The following SEMA3A variants were observed in gnomAD, a reference collection of about 807,000 sequenced individuals.
The protein encoded by SEMA3A is semaphorin-3A.
In SEMA3A, 29 loss-of-function variants were observed where a neutral mutation model predicts 97.9. That is an observed-to-expected ratio of 0.30 (90% confidence interval 0.22 to 0.40). The LOEUF (loss-of-function observed/expected upper bound fraction) is 0.40. SEMA3A is among the 10% of genes least tolerant of loss of function. SEMA3A has a pLI of 1.00. For missense variants in SEMA3A, 763 were observed against 951.3 expected, an observed-to-expected ratio of 0.80 and a Z score of 2.60; for synonymous variants, 321 against 323.7, an observed-to-expected ratio of 0.99 and a Z score of 0.09.
chr7:84,352,947 T>C lies in SEMA3A; in HGVS notation c.-169+18877A>G, dbSNP rs1257593015. 2.6e-5 allele frequency among the ~76,000 whole-genome samples: 4 copies of C among 151,826 alleles called. No individual in the cohort carries two copies. In the East Asian group the frequency reaches 7.7e-4, roughly 29 times the overall value. ...GGTAAAGATAAGTATCAAATTAATCTATACTAACTATTTACAGTCATCCCT... is the reference window on the plus strand; with the variant it reads ...GGTAAAGATAAGTATCAAATTAATCCATACTAACTATTTACAGTCATCCCT... On this transcript the variant is annotated intron_variant, in intron 2 of 3. Transcript: ENST00000424555.
At chr7:84,205,178 A>T (rs1798459281) in intron 3 of SEMA3A, among the ~76,000 whole-genome samples, 1 of 152,214 alleles carries the variant, frequency 6.6e-6, no homozygotes, top group Non-Finnish European at 1.5e-5. Context: ...ACACCTGTAC[A>T]ATTATTATGG....
chr7:84,455,519 CAT>C (rs1805666578), intron 1 of SEMA3A, among the ~76,000 whole-genome samples: 1 of 151,762 alleles, frequency 6.6e-6, no homozygotes, highest in Admixed American at 6.6e-5. Context: ...GTGATAGTAA[CAT>C]ATATTACATG....
intron 3 of SEMA3A, among the ~76,000 whole-genome samples, chr7:84,251,894 A>G (rs1229083184): frequency 1.4e-5 from 2 of 144,042 alleles, no homozygotes; most frequent in African/African-American, 5.6e-5. Context: ...AATGTGATTC[A>G]GCGTTCACAA....
intron 3 of SEMA3A, among the ~76,000 whole-genome samples, chr7:84,263,485 A>G (rs1430787168): frequency 1.3e-5 from 2 of 152,220 alleles, no homozygotes; most frequent in Non-Finnish European, 2.9e-5. Flanking sequence ...TTTACACTGT[A>G]TATAACTCTG....
At chr7:84,220,463 T>C (rs1180375272) in intron 3 of SEMA3A, among the ~76,000 whole-genome samples, 2 of 152,178 alleles carry the variant, frequency 1.3e-5, no homozygotes, top group Non-Finnish European at 2.9e-5. Flanking sequence ...ATTAATCATT[T>C]CCAGGTTTTG....
chr7:84,434,304 G>C (rs1322879780), intron 1 of SEMA3A, among the ~76,000 whole-genome samples: 2 of 151,968 alleles, frequency 1.3e-5, no homozygotes, highest in Non-Finnish European at 2.9e-5. Flanking sequence ...ACTCCTAAGA[G>C]TAAATCAGGA....
At chr7:84,403,705 G>A (rs1189886605) in intron 1 of SEMA3A, among the ~76,000 whole-genome samples, 4 of 152,134 alleles carry the variant, frequency 2.6e-5, no homozygotes, top group Non-Finnish European at 5.9e-5. Context: ...ACTTCCAGAG[G>A]AACGATCAGG....
intron 1 of SEMA3A, among the ~76,000 whole-genome samples, chr7:84,453,709 TTA>T (rs1805620763): frequency 6.6e-6 from 1 of 152,320 alleles, no homozygotes; most frequent in East Asian, 1.9e-4. Context: ...ATCGTGTACA[TTA>T]TCTCAGTAAT....
intron 1 of SEMA3A, among the ~76,000 whole-genome samples, chr7:84,438,523 C>T (rs1362524718): frequency 6.6e-6 from 1 of 152,092 alleles, no homozygotes; most frequent in East Asian, 1.9e-4. Context: ...GATAACATTT[C>T]TCTAGGCAGG....
chr7:83,972,541 A>T (rs1181214501), intron 15 of SEMA3A, among the ~76,000 whole-genome samples: 3 of 152,062 alleles, frequency 2.0e-5, no homozygotes, highest in Non-Finnish European at 4.4e-5. Flanking sequence ...CATGGACTTT[A>T]ATGTTTCATT....
At chr7:84,057,772 A>C (rs1793053733) in intron 5 of SEMA3A, among the ~76,000 whole-genome samples, 1 of 151,440 alleles carries the variant, frequency 6.6e-6, no homozygotes, top group Non-Finnish European at 1.5e-5. Flanking sequence ...AAATAAATAA[A>C]TAAATAAATA....
At chr7:84,140,583 G>C (rs1254421446) in intron 1 of SEMA3A, among the ~76,000 whole-genome samples, 1 of 151,994 alleles carries the variant, frequency 6.6e-6, no homozygotes, top group Non-Finnish European at 1.5e-5. Context: ...CCTTTTCATA[G>C]AACAGTCAAA....
Position 84,137,400 on chromosome 7 carries a change from C to CAA in SEMA3A, c.113-2451_113-2450dup, listed in dbSNP as rs59886680. On this transcript the variant is annotated intron_variant, in intron 1 of 16. Transcript: ENST00000265362. Reference sequence around the variant, plus strand: ...TGGGTGACAGAGCAACATTCAGTCTCAAAAAAAAAAAAAAAAAGAAATGGC... The same window carrying CAA: ...TGGGTGACAGAGCAACATTCAGTCTCAAAAAAAAAAAAAAAAAAAGAAATGGC... Among the ~76,000 whole-genome samples, 59 of 100,590 alleles carry CAA rather than the reference C, an allele frequency of 5.9e-4. 6 individuals are homozygous for CAA. Among genetic ancestry groups the CAA allele is most frequent in the East Asian group, 1.4e-3 (5 of 3,546 alleles). 66.0% of individuals were successfully genotyped at this position (100,590 alleles called of 152,430 possible). A position where few individuals can be genotyped will look rare whatever the true frequency, so the allele number is the denominator to read the frequency against.
At chr7:84,475,283 T>A (rs1806255447) in intron 1 of SEMA3A, among the ~76,000 whole-genome samples, 1 of 152,190 alleles carries the variant, frequency 6.6e-6, no homozygotes, top group East Asian at 1.9e-4. Flanking sequence ...TGTCTGCTTA[T>A]ATGTTTGTTT....
At chr7:84,004,711 AG>A (rs1790595478) in intron 11 of SEMA3A, among the ~76,000 whole-genome samples, 3 of 152,196 alleles carry the variant, frequency 2.0e-5, no homozygotes, top group Admixed American at 2.0e-4. Context: ...GTCACAGAAA[AG>A]GGAATTTATT....
intron 1 of SEMA3A, among the ~76,000 whole-genome samples, chr7:84,154,020 A>G (rs1217360732): frequency 2.0e-5 from 3 of 152,050 alleles, no homozygotes; most frequent in Non-Finnish European, 2.9e-5. Context: ...AGAACACTAC[A>G]TATTTCGTTA....
At chr7:84,363,980 C>T (rs917113072) in intron 2 of SEMA3A, among the ~76,000 whole-genome samples, 1 of 151,678 alleles carries the variant, frequency 6.6e-6, no homozygotes, top group African/African-American at 2.4e-5. Context: ...GTATGAGAAC[C>T]CATCTATTTA....
intron 10 of SEMA3A, among the ~76,000 whole-genome samples, chr7:84,006,897 A>G (rs1252724714): frequency 5.3e-5 from 8 of 152,132 alleles, no homozygotes; most frequent in Admixed American, 5.2e-4. Context: ...ACAATAATAC[A>G]ACAATATAAC....
At chr7:84,248,485 T>C (rs1433445673) in intron 3 of SEMA3A, among the ~76,000 whole-genome samples, 2 of 152,212 alleles carry the variant, frequency 1.3e-5, no homozygotes, top group Admixed American at 6.5e-5. Flanking sequence ...AATAATTTCA[T>C]CATAAACTGA....
Sources: gnomAD v4.1 joint callset for allele counts (sites outside exome capture counted in the v4.1 genomes callset) on GRCh38, gnomAD v4.1.1 for gene constraint, MANE v1.5 for transcripts, NCBI Gene and HGNC (gene_info 2026-07-23, HGNC 2026-07-21) for gene names.